The following SAMD3 variants were observed in gnomAD, a reference collection of about 807,000 sequenced individuals.
SAMD3 encodes sterile alpha motif domain-containing protein 3.
A neutral mutation model predicts 58.5 loss-of-function variants in SAMD3; 63 were observed. The observed-to-expected ratio is 1.08, with a 90% confidence interval of 0.88 to 1.33. The LOEUF (loss-of-function observed/expected upper bound fraction) is 1.33, where lower values mean the gene tolerates loss of function less well. Ranked by LOEUF, SAMD3 falls within the 40% of genes most tolerant of loss-of-function variation. The pLI is 0.00. For synonymous variants in SAMD3, 220 were observed against 210.3 expected (o/e 1.05, Z -0.40); for missense variants, 604 against 608.4 (o/e 0.99, Z 0.08).
intron 9 of SAMD3, among the ~76,000 whole-genome samples, chr6:130,149,667 C>T (rs892025968): frequency 2.0e-5 from 3 of 152,168 alleles, no homozygotes; most frequent in African/African-American, 7.2e-5. Context: ...CCACTGAGTA[C>T]ACATGGACAC....
In SAMD3 at chr6:130,144,619, G is replaced by A; in HGVS notation, c.1464C>T (p.Phe488=). 1 of 1,614,132 alleles carries A rather than the reference G, an allele frequency of 6.2e-7. No individual in the cohort carries two copies. Among genetic ancestry groups the A allele is most frequent in the Non-Finnish European group, 8.5e-7 (1 of 1,180,002 alleles). Residue 488 remains phenylalanine (F), a synonymous_variant, in exon 12 of 12, where the codon TTC becomes TTT. Transcript: ENST00000439090. ...IECPRRLSQT[F]NFLETLIFDM... Reference sequence around the variant, plus strand: ...CGAAAATCAGCGTTTCTAGGAAGTTGAAAGTTTGGGACAGTCTTCTTGGAC... The same window carrying A: ...CGAAAATCAGCGTTTCTAGGAAGTTAAAAGTTTGGGACAGTCTTCTTGGAC...
At chr6:130,332,131 G>A (rs1366108400) in intron 1 of SAMD3, among the ~76,000 whole-genome samples, 2 of 152,164 alleles carry the variant, frequency 1.3e-5, no homozygotes, top group Non-Finnish European at 2.9e-5. Context: ...ATAAGCTTGT[G>A]GCATTCTTTG....
intron 1 of SAMD3, among the ~76,000 whole-genome samples, chr6:130,328,251 C>T (rs1442761063): frequency 6.6e-6 from 1 of 152,184 alleles, no homozygotes; most frequent in Non-Finnish European, 1.5e-5. Context: ...ACAGGACCTG[C>T]TGGACCTGGA....
intron 1 of SAMD3, among the ~76,000 whole-genome samples, chr6:130,361,075 T>C (rs563110708): frequency 1.9e-4 from 29 of 152,220 alleles, no homozygotes; most frequent in African/African-American, 6.5e-4. Context: ...GTTAACGCAA[T>C]TATCACAGGG....
chr6:130,348,166 C>T (rs1200419049), intron 1 of SAMD3, among the ~76,000 whole-genome samples: 2 of 152,166 alleles, frequency 1.3e-5, no homozygotes, highest in Non-Finnish European at 2.9e-5. Context: ...GAAACTGCAG[C>T]AACCAATGAG....
intron 5 of SAMD3, among the ~76,000 whole-genome samples, chr6:130,207,029 G>T (rs548284552): frequency 1.7e-3 from 253 of 151,798 alleles, no homozygotes; most frequent in Non-Finnish European, 3.1e-3. Context: ...CACACCTGTG[G>T]GCTCAGCTAC....
intron 1 of SAMD3, among the ~76,000 whole-genome samples, chr6:130,353,024 G>T (rs1777726056): frequency 1.3e-5 from 2 of 152,072 alleles, no homozygotes; most frequent in African/African-American, 2.4e-5. Flanking sequence ...ACTTATTTTG[G>T]GGTCTTGTGT....
chr6:130,234,746 T>C (rs937845238), intron 2 of SAMD3, among the ~76,000 whole-genome samples: 1 of 152,254 alleles, frequency 6.6e-6, no homozygotes, highest in Non-Finnish European at 1.5e-5. Flanking sequence ...TTCACTTGTC[T>C]TGTCAGAAAT....
intron 2 of SAMD3, among the ~76,000 whole-genome samples, chr6:130,294,626 A>ATTT (rs3029966): frequency 6.8e-6 from 1 of 146,136 alleles, no homozygotes. Flanking sequence ...GCAAGGATTA[A>ATTT]TTTTTTTTTT....
At chr6:130,265,223 C>A (rs1774298048) in intron 2 of SAMD3, among the ~76,000 whole-genome samples, 1 of 152,234 alleles carries the variant, frequency 6.6e-6, no homozygotes, top group Non-Finnish European at 1.5e-5. Context: ...TTGAACATAA[C>A]TGTGTAGAGG....
intron 2 of SAMD3, among the ~76,000 whole-genome samples, chr6:130,231,641 A>G (rs1219744158): frequency 6.6e-6 from 1 of 152,176 alleles, no homozygotes; most frequent in East Asian, 1.9e-4. Flanking sequence ...AATTAGACAT[A>G]CCTTTTAAAT....
intron 4 of SAMD3, among the ~76,000 whole-genome samples, chr6:130,211,366 C>A (rs1795543922): frequency 1.3e-5 from 2 of 149,484 alleles, no homozygotes; most frequent in Admixed American, 1.3e-4. Context: ...TCACTGCAAC[C>A]TCTGCCTCCC....
intron 1 of SAMD3, among the ~76,000 whole-genome samples, chr6:130,222,218 T>C (rs1293681802): frequency 6.6e-6 from 1 of 152,136 alleles, no homozygotes; most frequent in Non-Finnish European, 1.5e-5. Flanking sequence ...GACCCCAAAA[T>C]AGCATTTCTA....
chr6:130,201,309 T>C (rs1794634644), intron 5 of SAMD3, among the ~76,000 whole-genome samples: 1 of 152,192 alleles, frequency 6.6e-6, no homozygotes, highest in South Asian at 2.1e-4. Flanking sequence ...TCACTATACA[T>C]TATAATTACT....
intron 2 of SAMD3, among the ~76,000 whole-genome samples, chr6:130,260,116 C>T (rs150969288): frequency 1.7e-3 from 254 of 152,272 alleles, no homozygotes; most frequent in Non-Finnish European, 3.0e-3. Context: ...CAATGGACTA[C>T]ATATAGTGAG....
chr6:130,345,161 G>A (rs974514848), intron 1 of SAMD3, among the ~76,000 whole-genome samples: 2 of 152,156 alleles, frequency 1.3e-5, no homozygotes, highest in South Asian at 4.1e-4. Flanking sequence ...TCTGTTCTGG[G>A]GATCAGGGAA....
At chr6:130,305,537 A>C (rs1775885450) in intron 2 of SAMD3, among the ~76,000 whole-genome samples, 1 of 152,204 alleles carries the variant, frequency 6.6e-6, no homozygotes, top group Non-Finnish European at 1.5e-5. Flanking sequence ...TGATAGCAAT[A>C]AGGCCTTTGT....
chr6:130,349,199 G>A (rs910137126), intron 1 of SAMD3, among the ~76,000 whole-genome samples: 2 of 151,426 alleles, frequency 1.3e-5, no homozygotes, highest in Non-Finnish European at 2.9e-5. Flanking sequence ...ACATTCAAAA[G>A]CTATCAGAAG....
chr6:130,155,441 G>A (rs1462951814), intron 8 of SAMD3, among the ~76,000 whole-genome samples: 1 of 152,046 alleles, frequency 6.6e-6, no homozygotes, highest in Non-Finnish European at 1.5e-5. Context: ...TTTTATAGCT[G>A]CAGTACCATG....
Sources: gnomAD v4.1 joint callset for allele counts (sites outside exome capture counted in the v4.1 genomes callset) on GRCh38, gnomAD v4.1.1 for gene constraint, MANE v1.5 for transcripts, NCBI Gene and HGNC (gene_info 2026-07-23, HGNC 2026-07-21) for gene names.